PRKDC: variants seen among roughly 807,000 people sequenced by gnomAD.
PRKDC encodes DNA-dependent protein kinase catalytic subunit.
PRKDC carries 82 observed loss-of-function variants against 486.9 expected under a neutral mutation model. The ratio of observed to expected loss-of-function variants is 0.17; its 90% CI spans 0.14 to 0.20. The LOEUF is 0.20. Ranked by LOEUF, PRKDC falls within the 10% of genes least tolerant of loss-of-function variation. PRKDC has a pLI of 1.00. For synonymous variants in PRKDC, 1,895 were observed against 1,837.0 expected (o/e 1.03, Z -0.81); for missense variants, 4,504 against 5,038.2 (o/e 0.89, Z 3.21).
chr8:47,789,327 T>C lies in PRKDC; in HGVS notation c.10671-89A>G, dbSNP rs983692651. On this transcript the variant is annotated intron_variant, in intron 74 of 85. Coordinates refer to ENST00000314191, the MANE Select transcript of PRKDC (RefSeq NM_006904.7). ...ATATACCATACATATATAAGTTATA[T>C]ATTATACATATATAAAATAATGTAT... 4 of 388,068 alleles carry C rather than the reference T, an allele frequency of 1.0e-5. No homozygotes were observed. The East Asian group carries it at 2.4e-4, about 24-fold the overall frequency. 24.0% of individuals were successfully genotyped at this position (388,068 alleles called of 1,614,324 possible).
rs775030934 is a variant in PRKDC at position 47,821,026 on chromosome 8, C to T, written c.9112-83G>A. ...TATTTTATTTCTATTATATTCTTTG[C>T]TATACTTTCACAGGTCAAGATTTAA... On this transcript the variant is annotated intron_variant, in intron 65 of 85. Coordinates refer to ENST00000314191, the MANE Select transcript of PRKDC (RefSeq NM_006904.7). 5.4e-5 allele frequency: 47 copies of T among 870,962 alleles called. 1 individual carries two copies. The Admixed American group carries it at 1.2e-3, about 22-fold the overall frequency. The allele number at this position is 870,962 out of a possible 1,614,324, so 54.0% of individuals were successfully genotyped here.
chr8:47,933,001 A>T lies in PRKDC; in HGVS notation c.1776+19T>A. 6.4e-7 allele frequency: 1 copy of T among 1,559,748 alleles called. No homozygotes were observed. Among genetic ancestry groups the T allele is most frequent in the Non-Finnish European group, 8.7e-7 (1 of 1,153,740 alleles). ...GATACAAAAATGATGAAAAATTACT[A>T]CTGATAAAAATTTCTAACCTCTTGT... On this transcript the variant is annotated intron_variant, in intron 16 of 85. Coordinates refer to ENST00000314191, the MANE Select transcript of PRKDC (RefSeq NM_006904.7).
Position 47,774,332 on chromosome 8 carries a change from G to A in PRKDC, c.12228C>T (p.Asp4076=). 1 of 1,613,558 alleles carries A rather than the reference G, an allele frequency of 6.2e-7. No homozygotes were observed. The highest frequency in any genetic ancestry group is 8.5e-7 in the Non-Finnish European group (1 of 1,179,832). The change falls in exon 86 of 86, where the codon GAC becomes GAT. Residue 4076 remains aspartate (D), a synonymous_variant. Coordinates refer to ENST00000314191, the MANE Select transcript of PRKDC (RefSeq NM_006904.7). ...TGCTTCCTCGTGCCACAGCCACATA[G>A]TCTCTGAAGGCAGGGGCCTTCTCAT... ...LGHEKAPAFR[D]YVAVARGSKD...
At chr8:47,775,417 G>A (rs1343556421) in intron 85 of PRKDC, among the ~76,000 whole-genome samples, 1 of 138,394 alleles carries the variant, frequency 7.2e-6, no homozygotes, top group Admixed American at 7.4e-5. Flanking sequence ...TGTCACCCAG[G>A]CCGGAGTGCA....
At chr8:47,872,385 A>C (rs1006635692) in intron 40 of PRKDC, among the ~76,000 whole-genome samples, 2 of 152,138 alleles carry the variant, frequency 1.3e-5, no homozygotes, top group African/African-American at 2.4e-5. Flanking sequence ...AAGACCACAA[A>C]ATGACCAGAA....
chr8:47,786,858 T>C (rs1314140370), intron 76 of PRKDC, among the ~76,000 whole-genome samples: 1 of 149,732 alleles, frequency 6.7e-6, no homozygotes, highest in Admixed American at 6.8e-5. Flanking sequence ...CCCTCCTGAG[T>C]AGCTGGGACT....
chr8:47,875,120 A>C (rs2089063468), intron 40 of PRKDC, among the ~76,000 whole-genome samples: 1 of 152,158 alleles, frequency 6.6e-6, no homozygotes, highest in African/African-American at 2.4e-5. Flanking sequence ...TATTAATTCA[A>C]TTTGATTACT....
chr8:47,923,252 A>G (rs1297423221), intron 21 of PRKDC, among the ~76,000 whole-genome samples: 1 of 151,764 alleles, frequency 6.6e-6, no homozygotes, highest in East Asian at 1.9e-4. Flanking sequence ...TTTAGTAGAG[A>G]CACGGTTTCA....
At chr8:47,907,391 C>T (rs926353882) in intron 25 of PRKDC, among the ~76,000 whole-genome samples, 6 of 139,410 alleles carry the variant, frequency 4.3e-5, no homozygotes, top group Admixed American at 3.0e-4. Flanking sequence ...TACATGTATA[C>T]ATAGCTATAT....
rs751112245 is a variant in PRKDC at position 47,849,396 on chromosome 8, G to A, written c.7113C>T (p.Phe2371=). 27 of 1,613,900 alleles carry A rather than the reference G, an allele frequency of 1.7e-5. No homozygotes were observed. Among genetic ancestry groups the A allele is most frequent in the Non-Finnish European group, 2.1e-5 (25 of 1,179,910 alleles). ...IVCLNKVTKS[F]PPLADRFMNA... The stretch of plus-strand genomic sequence containing the variant: ...GCCCATACCTGTCTGCAAGAGGAGG[G>A]AAGCTCTTGGTCACTTTGTTCAAGC... The change falls in exon 53 of 86, where the codon TTC becomes TTT. Residue 2371 remains phenylalanine (F), a synonymous_variant. Transcript: ENST00000314191.
intron 19 of PRKDC, among the ~76,000 whole-genome samples, chr8:47,928,140 G>A (rs969751330): frequency 6.6e-6 from 1 of 150,566 alleles, no homozygotes; most frequent in Non-Finnish European, 1.5e-5. Flanking sequence ...ATTATGTTAA[G>A]AGAGCTTGAG....
intron 40 of PRKDC, among the ~76,000 whole-genome samples, chr8:47,868,591 T>C (rs1217761591): frequency 1.3e-5 from 2 of 151,984 alleles, no homozygotes; most frequent in Non-Finnish European, 1.5e-5. Context: ...GAATGAATGA[T>C]AAAATTCAAT....
intron 7 of PRKDC, among the ~76,000 whole-genome samples, chr8:47,945,045 A>ACT (rs1358138681): frequency 6.6e-5 from 10 of 152,216 alleles, no homozygotes; most frequent in African/African-American, 2.2e-4. Context: ...TAGTTGGGGA[A>ACT]AAGGTCATTC....
At chr8:47,935,616 T>C in intron 13 of PRKDC, 116 bp downstream of exon 13, 1 of 1,205,236 alleles carries the variant, frequency 8.3e-7, no homozygotes, top group Non-Finnish European at 1.1e-6. Flanking sequence ...AATTTAGGAG[T>C]TCAAAAGTTG....
At position 47,863,591 on chromosome 8, in the gene PRKDC, AAAAAT is replaced by A. The variant is rs2088728625; in HGVS notation, c.5572-19_5572-15del. The A allele has an allele frequency of 1.9e-6, 3 of 1,579,718 alleles. No individual in the cohort carries two copies. In the African/African-American group the frequency reaches 4.1e-5, roughly 21 times the overall value. ...AGATTCATTTAGCTTCAAAAAGGTA[AAAAAT>A]AATTATCTTTGGTCTTATTAAACAT... On this transcript the variant is annotated splice_polypyrimidine_tract_variant and intron_variant, in intron 41 of 85. Coordinates refer to ENST00000314191, the MANE Select transcript of PRKDC (RefSeq NM_006904.7).
chr8:47,922,074 C>T (rs1476221174), intron 21 of PRKDC, among the ~76,000 whole-genome samples: 6 of 151,910 alleles, frequency 3.9e-5, no homozygotes, highest in Non-Finnish European at 8.8e-5. Context: ...AGCCACTGCA[C>T]CCAGCCTGAT....
In PRKDC at chr8:47,836,380, C is replaced by A; in HGVS notation, c.7909G>T (p.Ala2637Ser). The A allele has an allele frequency of 6.2e-7, 1 of 1,607,658 alleles. No homozygotes were observed. The part of the protein sequence containing the change: ...ARWPVAGQIR[A>S]TQQQHDFTLT... ...GTGAAGTCATGCTGCTGCTGGGTGG[C>A]CCTTATCTGCCCTGCCACTGGCCAG... Residue 2637 changes from alanine to serine, a missense_variant, in exon 58 of 86, where the codon GCC (alanine) becomes TCC (serine). Ala to Ser is a moderately conservative substitution (Grantham distance 99). Around this residue, in one of 6 missense-constraint regions of PRKDC, gnomAD observed 1,592 missense variants for 1,724.6 expected, o/e 0.92. Transcript: ENST00000314191.
intron 41 of PRKDC, 30 bp from the exon 42 acceptor site, chr8:47,863,607 G>T: frequency 6.5e-7 from 1 of 1,532,800 alleles, no homozygotes; most frequent in South Asian, 1.2e-5. Context: ...AATTATCTTT[G>T]GTCTTATTAA....
intron 40 of PRKDC, among the ~76,000 whole-genome samples, chr8:47,872,949 G>T (rs1262461551): frequency 6.6e-6 from 1 of 152,096 alleles, no homozygotes; most frequent in East Asian, 1.9e-4. Flanking sequence ...GAACCTTACA[G>T]ATGTTTACAG....
Sources: allele counts gnomAD v4.1 joint callset (sites outside exome capture counted in the v4.1 genomes callset), GRCh38; gene constraint gnomAD v4.1.1; regional missense constraint gnomAD v4.1.1; transcripts MANE v1.5; gene names NCBI Gene and HGNC (gene_info 2026-07-23, HGNC 2026-07-21).